The following WDPCP variants were observed in gnomAD, a reference collection of about 807,000 sequenced individuals.
WDPCP encodes the protein WD repeat containing planar cell polarity effector.
WDPCP carries 71 observed loss-of-function variants against 93.1 expected under a neutral mutation model. The ratio of observed to expected loss-of-function variants is 0.76; its 90% CI spans 0.63 to 0.93. The LOEUF (loss-of-function observed/expected upper bound fraction) is 0.93. Ranked by LOEUF, WDPCP falls within the 40% of genes least tolerant of loss-of-function variation. The pLI is 0.00. For synonymous variants in WDPCP, 315 were observed against 315.0 expected, an observed-to-expected ratio of 1.00 and a Z score of 0.00; for missense variants, 844 against 887.4, an observed-to-expected ratio of 0.95 and a Z score of 0.62.
At chr2:63,267,336 A>G (rs563593652) in intron 13 of WDPCP, among the ~76,000 whole-genome samples, 2 of 152,288 alleles carry the variant, frequency 1.3e-5, no homozygotes, top group East Asian at 3.9e-4. Context: ...CCACATATAA[A>G]AATCAACTCA....
intron 15 of WDPCP, 131 bp downstream of exon 15, chr2:63,174,539 G>A: frequency 1.7e-6 from 2 of 1,169,566 alleles, no homozygotes; most frequent in Non-Finnish European, 2.5e-6. Context: ...CTACTGCAAA[G>A]TCTGAGCCAT....
intron 2 of WDPCP, among the ~76,000 whole-genome samples, chr2:63,756,676 C>T (rs947995726): frequency 6.6e-6 from 1 of 152,062 alleles, no homozygotes; most frequent in Admixed American, 6.5e-5. Flanking sequence ...TATTTGAGTT[C>T]CAGTTTCCTC....
At chr2:63,660,176 T>A (rs938784730) in intron 2 of WDPCP, among the ~76,000 whole-genome samples, 13 of 152,270 alleles carry the variant, frequency 8.5e-5, no homozygotes, top group East Asian at 3.9e-4. Context: ...TTTCTTTTTT[T>A]AAAAAAATTC....
intron 9 of WDPCP, among the ~76,000 whole-genome samples, chr2:63,405,960 A>C (rs376739401): frequency 6.6e-6 from 1 of 152,152 alleles, no homozygotes; most frequent in Admixed American, 6.5e-5. Flanking sequence ...TAACAAGGTC[A>C]TTTTCCTGTA....
At chr2:63,504,502 C>T (rs1357016053) in intron 1 of WDPCP, among the ~76,000 whole-genome samples, 1 of 151,868 alleles carries the variant, frequency 6.6e-6, no homozygotes, top group Non-Finnish European at 1.5e-5. Flanking sequence ...AATATGGAAA[C>T]TGAAATCTAT....
In WDPCP at chr2:63,332,673, T is replaced by C. The variant is rs376151429; in HGVS notation, c.1749-19362A>G. Among the ~76,000 whole-genome samples, 11 of 152,352 alleles carry C rather than the reference T, an allele frequency of 7.2e-5. No homozygotes were observed. The East Asian group carries it at 1.9e-3, about 27-fold the overall frequency. Reference sequence around the variant, plus strand: ...TTATCAGATACATATATTGAGAATATTCTCAGTTTGTGGCTTCCATTTTCA... The same window carrying C: ...TTATCAGATACATATATTGAGAATACTCTCAGTTTGTGGCTTCCATTTTCA... On this transcript the variant is annotated intron_variant, in intron 12 of 17. Coordinates refer to ENST00000272321, the MANE Select transcript of WDPCP (RefSeq NM_015910.7).
At chr2:63,530,713 G>A (rs190631980) in intron 1 of WDPCP, among the ~76,000 whole-genome samples, 3 of 152,270 alleles carry the variant, frequency 2.0e-5, no homozygotes, top group African/African-American at 7.2e-5. Flanking sequence ...TTGAAAATAT[G>A]GTCAGCTCAG....
intron 13 of WDPCP, among the ~76,000 whole-genome samples, chr2:63,294,829 C>T (rs899133947): frequency 2.0e-5 from 3 of 152,026 alleles, no homozygotes; most frequent in African/African-American, 7.2e-5. Flanking sequence ...GCTCTCTATA[C>T]AAATTAAGAT....
intron 3 of WDPCP, among the ~76,000 whole-genome samples, chr2:63,639,233 C>T (rs938390028): frequency 4.6e-5 from 7 of 152,150 alleles, no homozygotes; most frequent in Non-Finnish European, 8.8e-5. Flanking sequence ...GAGACTCCAT[C>T]TCAAAAAAAA....
chr2:63,188,026 A>G (rs1251106161), intron 14 of WDPCP, among the ~76,000 whole-genome samples: 1 of 152,044 alleles, frequency 6.6e-6, no homozygotes, highest in Non-Finnish European at 1.5e-5. Context: ...ATTTCTTTTT[A>G]GCCTTCAAGG....
chr2:63,299,113 G>T (rs996189356), intron 13 of WDPCP, among the ~76,000 whole-genome samples: 22 of 152,124 alleles, frequency 1.4e-4, no homozygotes, highest in Non-Finnish European at 2.6e-4. Context: ...CATTCCACAC[G>T]TCAGCACCTG....
intron 1 of WDPCP, among the ~76,000 whole-genome samples, chr2:63,823,339 C>G (rs891013211): frequency 2.6e-5 from 4 of 151,974 alleles, no homozygotes; most frequent in Admixed American, 2.0e-4. Context: ...TACCCCGTCT[C>G]TACTAAAAAT....
At chr2:63,272,513 C>A (rs1682743556) in intron 13 of WDPCP, among the ~76,000 whole-genome samples, 1 of 152,074 alleles carries the variant, frequency 6.6e-6, no homozygotes, top group Non-Finnish European at 1.5e-5. Context: ...AAAAAGAAAT[C>A]TGTAAAATGC....
At chr2:63,799,779 A>G (rs772030852) in intron 2 of WDPCP, among the ~76,000 whole-genome samples, 3 of 152,144 alleles carry the variant, frequency 2.0e-5, no homozygotes, top group Non-Finnish European at 4.4e-5. Context: ...TAGTTTTTCA[A>G]TACCTGTTAT....
chr2:63,468,153 C>T lies in WDPCP; in HGVS notation c.384+16451G>A, dbSNP rs189068218. Among the ~76,000 whole-genome samples the T allele has an allele frequency of 4.5e-3, 684 of 152,252 alleles. 3 individuals carry two copies. Among genetic ancestry groups the T allele is most frequent in the Non-Finnish European group, 7.1e-3 (484 of 68,004 alleles). ...CTCAGCACCATGCTTCAGCCTGCAC[C>T]TCTTTCTATCCAACCCTCCTTCCTT... On this transcript the variant is annotated intron_variant, in intron 6 of 17. Coordinates refer to ENST00000272321, the MANE Select transcript of WDPCP (RefSeq NM_015910.7).
At chr2:63,416,200 C>CTT (rs70965129) in intron 9 of WDPCP, among the ~76,000 whole-genome samples, 10 of 147,736 alleles carry the variant, frequency 6.8e-5, no homozygotes, top group African/African-American at 9.9e-5. Flanking sequence ...CTTTTTTTTC[C>CTT]TTTTTTTTTT....
intron 6 of WDPCP, among the ~76,000 whole-genome samples, chr2:63,467,375 G>A (rs1208308480): frequency 6.6e-6 from 1 of 151,902 alleles, no homozygotes; most frequent in East Asian, 1.9e-4. Flanking sequence ...AGCTGCTCAG[G>A]AGGCTGAGGC....
intron 3 of WDPCP, 52 bp from the exon 4 acceptor site, chr2:63,486,638 T>G: frequency 3.4e-6 from 5 of 1,463,704 alleles, no homozygotes; most frequent in Non-Finnish European, 4.7e-6. Flanking sequence ...TAGAATTTAT[T>G]TTTATTATAA....
chr2:63,765,226 G>T (rs1213664482), intron 2 of WDPCP, among the ~76,000 whole-genome samples: 3 of 152,198 alleles, frequency 2.0e-5, no homozygotes, highest in African/African-American at 7.2e-5. Flanking sequence ...GGAAAGACAG[G>T]GAAGACTTTC....
Sources: allele counts gnomAD v4.1 joint callset (sites outside exome capture counted in the v4.1 genomes callset), GRCh38; gene constraint gnomAD v4.1.1; transcripts MANE v1.5; gene names NCBI Gene and HGNC (gene_info 2026-07-23, HGNC 2026-07-21).